CAST: variants seen among roughly 807,000 people sequenced by gnomAD.
The protein encoded by CAST is calpastatin, also known as MIR583 host.
A neutral mutation model predicts 119.6 loss-of-function variants in CAST; 76 were observed. The observed-to-expected ratio is 0.64, with a 90% CI of 0.53 to 0.77. The LOEUF (loss-of-function observed/expected upper bound fraction) is 0.77. Among genes scored for constraint, CAST ranks in the 30% least tolerant of loss-of-function variants. The pLI is 0.00. For synonymous variants in CAST, 319 were observed against 331.6 expected (o/e 0.96, Z 0.41); for missense variants, 953 against 946.5 (o/e 1.01, Z -0.09).
chr5:96,629,005 C>T (rs1468936092), intron 1 of CAST, among the ~76,000 whole-genome samples: 1 of 152,046 alleles, frequency 6.6e-6, no homozygotes, highest in East Asian at 1.9e-4. Context: ...CTTTGCCAAG[C>T]CTCCATTTTC....
the CAST span, among the ~76,000 whole-genome samples, chr5:96,145,877 G>A: frequency 6.6e-6 from 1 of 152,190 alleles, no homozygotes; most frequent in African/African-American, 2.4e-5. Context: ...GGGCATGTAA[G>A]ATGGCATACT....
the CAST span, among the ~76,000 whole-genome samples, chr5:96,465,376 T>C: frequency 3.9e-5 from 6 of 152,138 alleles, no homozygotes; most frequent in African/African-American, 1.4e-4. Context: ...CTTTATTTTT[T>C]ATTCTTACAC....
chr5:96,497,632 T>C, the CAST span, among the ~76,000 whole-genome samples: 2 of 150,906 alleles, frequency 1.3e-5, no homozygotes, highest in South Asian at 4.1e-4. Context: ...CATTTTTTCA[T>C]GTGTCTTTTG....
upstream of CAST, among the ~76,000 whole-genome samples, chr5:96,528,647 T>C (rs985857836): frequency 1.1e-4 from 17 of 152,332 alleles, no homozygotes; most frequent in African/African-American, 4.1e-4. Context: ...AAATAGCTCT[T>C]ATTACTACAT....
the CAST span, among the ~76,000 whole-genome samples, chr5:96,415,187 T>A: frequency 6.6e-6 from 1 of 152,226 alleles, no homozygotes; most frequent in Non-Finnish European, 1.5e-5. Context: ...CATTAGAACA[T>A]GGACTGCATC....
intron 3 of CAST, among the ~76,000 whole-genome samples, chr5:96,720,907 G>A (rs1758121569): frequency 6.6e-6 from 1 of 152,144 alleles, no homozygotes; most frequent in African/African-American, 2.4e-5. Flanking sequence ...TGGTTGAGGG[G>A]AATCATTAAA....
At chr5:96,177,469 C>A in the CAST span, among the ~76,000 whole-genome samples, 1 of 152,144 alleles carries the variant, frequency 6.6e-6, no homozygotes, top group Non-Finnish European at 1.5e-5. Context: ...TGAATTACTG[C>A]ATTTTCAGAG....
At chr5:96,445,841 G>C in the CAST span, among the ~76,000 whole-genome samples, 2 of 152,158 alleles carry the variant, frequency 1.3e-5, no homozygotes, top group African/African-American at 4.8e-5. Flanking sequence ...GTTCTACTTA[G>C]AACTGCAAAA....
At chr5:96,021,392 T>G in the CAST span, among the ~76,000 whole-genome samples, 2 of 152,200 alleles carry the variant, frequency 1.3e-5, no homozygotes, top group East Asian at 1.9e-4. Flanking sequence ...CCTAAAGAGC[T>G]CTGCTGTTCA....
the CAST span, among the ~76,000 whole-genome samples, chr5:96,052,788 AG>A: frequency 1.3e-5 from 2 of 152,352 alleles, no homozygotes; most frequent in East Asian, 3.9e-4. Context: ...ACATGTGATT[AG>A]GTCTATTTAT....
chr5:96,183,242 A>G, the CAST span, among the ~76,000 whole-genome samples: 3 of 150,616 alleles, frequency 2.0e-5, no homozygotes, highest in East Asian at 1.9e-4. Context: ...AAGATAGTAC[A>G]TATTTTAAAA....
intron 1 of CAST, among the ~76,000 whole-genome samples, chr5:96,547,159 A>G (rs958623905): frequency 6.6e-6 from 1 of 152,170 alleles, no homozygotes; most frequent in African/African-American, 2.4e-5. Flanking sequence ...GGTTCTCCAG[A>G]GAAACAGAAC....
the CAST span, among the ~76,000 whole-genome samples, chr5:96,003,651 G>C: frequency 1.3e-5 from 2 of 151,982 alleles, no homozygotes; most frequent in Admixed American, 1.3e-4. Flanking sequence ...AGTTGACAGA[G>C]ATCATTTAAA....
chr5:96,266,943 A>T, the CAST span, among the ~76,000 whole-genome samples: 3 of 152,298 alleles, frequency 2.0e-5, no homozygotes, highest in East Asian at 1.9e-4. Flanking sequence ...TCAATTCAGA[A>T]TTTTTTCTGA....
At chr5:96,415,178 A>C in the CAST span, among the ~76,000 whole-genome samples, 1 of 152,184 alleles carries the variant, frequency 6.6e-6, no homozygotes, top group African/African-American at 2.4e-5. Flanking sequence ...ACTCTTCTCC[A>C]TTAGAACATG....
At chr5:96,750,519 C>T (rs1327787967) in intron 19 of CAST, 68 bp from the exon 20 acceptor site, 1 of 934,988 alleles carries the variant, frequency 1.1e-6, no homozygotes, top group African/African-American at 1.6e-5. Context: ...TCTTGTTGGT[C>T]TACCATTACT....
intron 2 of CAST, among the ~76,000 whole-genome samples, chr5:96,678,040 T>C (rs1750912593): frequency 1.3e-5 from 2 of 152,192 alleles, no homozygotes; most frequent in South Asian, 4.1e-4. Flanking sequence ...TGTCCCACTT[T>C]AGGCATTATG....
the CAST span, among the ~76,000 whole-genome samples, chr5:96,248,499 A>T: frequency 6.6e-6 from 1 of 152,262 alleles, no homozygotes; most frequent in Non-Finnish European, 1.5e-5. Flanking sequence ...CTTGAAGGAA[A>T]GAATAAGAAT....
intron 9 of CAST, among the ~76,000 whole-genome samples, chr5:96,731,446 A>AT (rs912040735): frequency 3.0e-4 from 34 of 114,336 alleles, no homozygotes; most frequent in South Asian, 2.9e-3. Flanking sequence ...GCAATATAGA[A>AT]TTTTTTTTTT....
Sources: gnomAD v4.1 joint callset for allele counts (sites outside exome capture counted in the v4.1 genomes callset) on GRCh38, gnomAD v4.1.1 for gene constraint, MANE v1.5 for transcripts, NCBI Gene and HGNC (gene_info 2026-07-23, HGNC 2026-07-21) for gene names.